Variants in RSBN1 observed in about 807,000 individuals in gnomAD.
RSBN1 encodes the protein round spermatid basic protein 1.
In RSBN1, 23 loss-of-function variants were observed where a neutral mutation model predicts 74.8. The observed-to-expected ratio is 0.31, with a 90% CI of 0.22 to 0.44. The LOEUF (loss-of-function observed/expected upper bound fraction) is 0.44, where lower values mean the gene tolerates loss of function less well. RSBN1 is among the 20% of genes least tolerant of loss of function. The probability of loss-of-function intolerance (pLI) is 1.00; values close to 1 mark genes in which losing one functional copy is unlikely to be tolerated. For missense variants in RSBN1, 808 were observed against 1,020.9 expected (o/e 0.79, Z 2.84); for synonymous variants, 407 against 379.6 (o/e 1.07, Z -0.84).
In RSBN1 at chr1:113,764,849, A is replaced by C. The variant is rs1469054278; in HGVS notation, c.*1131T>G. ...ACAGAAAGTTAGGACCATACTAGCA[A>C]TGTGAACTGTGCCTGTTTGAAAAGA... On this transcript the variant is annotated 3_prime_UTR_variant, in exon 7 of 7. Coordinates refer to ENST00000261441, the MANE Select transcript of RSBN1 (RefSeq NM_018364.5). The C allele has an allele frequency of 6.6e-6, 1 of 150,838 alleles. No homozygotes were observed. The highest frequency in any genetic ancestry group is 2.4e-5 in the African/African-American group (1 of 41,234). The allele number at this position is 150,838 out of a possible 1,614,324, so 9.3% of individuals were successfully genotyped here.
chr1:113,811,643 T>TAAAG, intron 1 of RSBN1, 67 bp downstream of exon 1: 1 of 1,514,466 alleles, frequency 6.6e-7, no homozygotes, highest in South Asian at 1.3e-5. Context: ...CTTTCAGTCC[T>TAAAG]AAAGATGCGG....
intron 2 of RSBN1, among the ~76,000 whole-genome samples, chr1:113,788,985 G>A (rs1660312084): frequency 6.6e-6 from 1 of 152,140 alleles, no homozygotes. Flanking sequence ...AATAGTGAGT[G>A]TGATATTGTG....
chr1:113,777,311 C>T lies in RSBN1; in HGVS notation c.1557G>A (p.Gln519=). 6.2e-7 allele frequency: 1 copy of T among 1,612,426 alleles called. No individual in the cohort carries two copies. Among genetic ancestry groups the T allele is most frequent in the Non-Finnish European group, 8.5e-7 (1 of 1,178,918 alleles). Residue 519 remains glutamine, a synonymous_variant, in exon 4 of 7, where the codon CAG becomes CAA. Transcript: ENST00000261441. ...GCCCATCATCACTCTGGGACCTACACTGGAGTCGGAGGCTAGAAAGTGTAC... is the reference window on the plus strand; with the variant it reads ...GCCCATCATCACTCTGGGACCTACATTGGAGTCGGAGGCTAGAAAGTGTAC... ...PWGTLSSLRL[Q]CRSQSDDGPI...
intron 4 of RSBN1, among the ~76,000 whole-genome samples, chr1:113,776,354 C>T (rs1490043496): frequency 6.6e-6 from 1 of 152,154 alleles, no homozygotes; most frequent in Non-Finnish European, 1.5e-5. Context: ...GAAAGAAAAA[C>T]TTCACAAAGG....
rs537539596 is a variant in RSBN1 at position 113,779,358 on chromosome 1, T to C, written c.1378-1550A>G. Among the ~76,000 whole-genome samples, 5 of 152,244 alleles carry C rather than the reference T, an allele frequency of 3.3e-5. No individual in the cohort carries two copies. The East Asian group carries it at 9.6e-4, about 29-fold the overall frequency. ...GACAATTTAACATCACCCACACATATATACACAGAAAAAAAGGCTGTAGAT... is the reference window on the plus strand; with the variant it reads ...GACAATTTAACATCACCCACACATACATACACAGAAAAAAAGGCTGTAGAT... On this transcript the variant is annotated intron_variant, in intron 2 of 6. Coordinates refer to ENST00000261441, the MANE Select transcript of RSBN1 (RefSeq NM_018364.5).
At chr1:113,783,166 A>G (rs981570092) in intron 2 of RSBN1, among the ~76,000 whole-genome samples, 6 of 152,172 alleles carry the variant, frequency 3.9e-5, no homozygotes, top group Admixed American at 2.0e-4. Flanking sequence ...GTATTATTCA[A>G]TATTATATAT....
At chr1:113,787,187 A>C (rs1453012435) in intron 2 of RSBN1, among the ~76,000 whole-genome samples, 1 of 152,228 alleles carries the variant, frequency 6.6e-6, no homozygotes, top group African/African-American at 2.4e-5. Flanking sequence ...TTCAACACTA[A>C]TAGGAAGAAT....
At chr1:113,783,236 G>A (rs560347265) in intron 2 of RSBN1, among the ~76,000 whole-genome samples, 2 of 151,546 alleles carry the variant, frequency 1.3e-5, no homozygotes, top group Non-Finnish European at 2.9e-5. Context: ...TGTATGTTAA[G>A]GCTAGAAATG....
intron 2 of RSBN1, among the ~76,000 whole-genome samples, chr1:113,794,311 C>T (rs1660427817): frequency 6.6e-6 from 1 of 152,186 alleles, no homozygotes; most frequent in Non-Finnish European, 1.5e-5. Flanking sequence ...CCAATTCCAT[C>T]CTCCACACTA....
In RSBN1 at chr1:113,762,505, T is replaced by G. The variant is rs1026486021; in HGVS notation, c.*3475A>C. The G allele has an allele frequency of 7.9e-5, 12 of 152,612 alleles. No individual in the cohort carries two copies. The highest frequency in any genetic ancestry group is 2.9e-4 in the African/African-American group (12 of 41,470). The allele number at this position is 152,612 out of a possible 1,614,324, so 9.5% of individuals were successfully genotyped here. A position where few individuals can be genotyped will look rare whatever the true frequency, so the allele number is the denominator to read the frequency against. ...AAAACAGATGTGAACCTCTGGCATG[T>G]GCTAGCTAGTGAAAGGTTCTTTTTT... On this transcript the variant is annotated 3_prime_UTR_variant, in exon 7 of 7. Coordinates refer to ENST00000261441, the MANE Select transcript of RSBN1 (RefSeq NM_018364.5).
Position 113,773,247 on chromosome 1 carries a change from G to T in RSBN1, c.1658+3963C>A, listed in dbSNP as rs894038425. ...AATTAAAATGAGACATTTTTGGGTT[G>T]GGCGTGGTGGCTCACGCCTGAAATC... On this transcript the variant is annotated intron_variant, in intron 4 of 6. Coordinates refer to ENST00000261441, the MANE Select transcript of RSBN1 (RefSeq NM_018364.5). Among the ~76,000 whole-genome samples, 8 of 152,336 alleles carry T rather than the reference G, an allele frequency of 5.3e-5. No individual in the cohort carries two copies. The East Asian group carries it at 1.3e-3, about 26-fold the overall frequency.
At position 113,790,277 on chromosome 1, in the gene RSBN1, G is replaced by A. The variant is rs552419721; in HGVS notation, c.1377+7086C>T. Among the ~76,000 whole-genome samples, 10 of 152,208 alleles carry A rather than the reference G, an allele frequency of 6.6e-5. No homozygotes were observed. The South Asian group carries it at 1.0e-3, about 16-fold the overall frequency. On this transcript the variant is annotated intron_variant, in intron 2 of 6. Coordinates refer to ENST00000261441, the MANE Select transcript of RSBN1 (RefSeq NM_018364.5). ...GGTATGAGGAAAAAGTTCTGGAAAC[G>A]GTAGTGGTAATAGAACAATATATAT...
At chr1:113,768,117 TG>T (rs1659818449) in intron 5 of RSBN1, 104 bp downstream of exon 5, 1 of 929,530 alleles carries the variant, frequency 1.1e-6, no homozygotes, top group Non-Finnish European at 1.6e-6. Flanking sequence ...AAACTTTATG[TG>T]TATTTTACCA....
intron 2 of RSBN1, among the ~76,000 whole-genome samples, chr1:113,786,798 C>T (rs754072521): frequency 1.7e-4 from 26 of 152,096 alleles, no homozygotes; most frequent in Non-Finnish European, 3.1e-4. Context: ...TGGTGAAACC[C>T]TATCTCTACT....
At chr1:113,792,847 A>G (rs556945149) in intron 2 of RSBN1, among the ~76,000 whole-genome samples, 4 of 152,118 alleles carry the variant, frequency 2.6e-5, no homozygotes, top group Non-Finnish European at 4.4e-5. Flanking sequence ...GAAGGGAGGA[A>G]GGAAGGAAAC....
intron 1 of RSBN1, among the ~76,000 whole-genome samples, chr1:113,805,562 G>A (rs1208394016): frequency 2.0e-5 from 3 of 152,152 alleles, no homozygotes; most frequent in African/African-American, 7.2e-5. Context: ...ACTGGGCCAT[G>A]AGGGAAAAAA....
chr1:113,790,997 AAAG>A (rs1173452603), intron 2 of RSBN1, among the ~76,000 whole-genome samples: 1 of 152,208 alleles, frequency 6.6e-6, no homozygotes, highest in Non-Finnish European at 1.5e-5. Context: ...AACTGAAAAC[AAAG>A]AACAAGTTGA....
intron 2 of RSBN1, among the ~76,000 whole-genome samples, chr1:113,784,749 G>C (rs978714080): frequency 1.3e-5 from 2 of 152,200 alleles, no homozygotes; most frequent in Non-Finnish European, 2.9e-5. Flanking sequence ...GACCAGTACA[G>C]TTGAGGACCC....
At chr1:113,784,770 T>C (rs1660205478) in intron 2 of RSBN1, among the ~76,000 whole-genome samples, 2 of 152,196 alleles carry the variant, frequency 1.3e-5, no homozygotes, top group Admixed American at 1.3e-4. Flanking sequence ...CTGCCGTAGA[T>C]ACCTGAAACA....
Sources: gnomAD v4.1 joint callset for allele counts (sites outside exome capture counted in the v4.1 genomes callset) on GRCh38, gnomAD v4.1.1 for gene constraint, MANE v1.5 for transcripts, NCBI Gene and HGNC (gene_info 2026-07-23, HGNC 2026-07-21) for gene names.